EHBP1: variants seen among roughly 807,000 people sequenced by gnomAD.
The protein encoded by EHBP1 is EH domain-binding protein 1.
Under a neutral mutation model 144.0 loss-of-function variants are expected in EHBP1, and 55 were observed. That is an observed-to-expected ratio of 0.38 (90% confidence interval 0.31 to 0.48). The LOEUF (loss-of-function observed/expected upper bound fraction) is 0.48. Among genes scored for constraint, EHBP1 ranks in the 20% least tolerant of loss-of-function variants. EHBP1 has a pLI of 0.98. For synonymous variants in EHBP1, 469 were observed against 472.7 expected (o/e 0.99, Z 0.10); for missense variants, 1,200 against 1,364.2 (o/e 0.88, Z 1.90).
At chr2:62,983,676 A>G (rs567308463) in intron 15 of EHBP1, among the ~76,000 whole-genome samples, 1 of 152,078 alleles carries the variant, frequency 6.6e-6, no homozygotes, top group South Asian at 2.1e-4. Flanking sequence ...GAGTAGCTGG[A>G]ATTACAGGCA....
intron 7 of EHBP1, among the ~76,000 whole-genome samples, chr2:62,851,219 T>A (rs1573709282): frequency 6.6e-6 from 1 of 152,316 alleles, no homozygotes; most frequent in East Asian, 1.9e-4. Flanking sequence ...TAGATTCCCA[T>A]AACTCTCAGA....
At chr2:63,044,908 A>G in intron 21 of EHBP1, 158 bp from the exon 22 acceptor site, 1 of 595,262 alleles carries the variant, frequency 1.7e-6, no homozygotes, top group Non-Finnish European at 3.0e-6. Context: ...GGAAGCCTTC[A>G]CCACAACAGC....
At chr2:62,698,202 G>C (rs961321227) in intron 1 of EHBP1, among the ~76,000 whole-genome samples, 1 of 152,206 alleles carries the variant, frequency 6.6e-6, no homozygotes, top group African/African-American at 2.4e-5. Context: ...AATTGTTCAA[G>C]AAAAGAGTGA....
intron 9 of EHBP1, among the ~76,000 whole-genome samples, chr2:62,869,027 T>C (rs1170451562): frequency 6.6e-6 from 1 of 151,946 alleles, no homozygotes; most frequent in Non-Finnish European, 1.5e-5. Flanking sequence ...CAAATGAAAA[T>C]ATTGTATAGG....
intron 1 of EHBP1, among the ~76,000 whole-genome samples, chr2:62,680,998 G>A (rs1007699635): frequency 1.3e-5 from 2 of 151,986 alleles, no homozygotes; most frequent in African/African-American, 4.8e-5. Context: ...AAACAAGATA[G>A]GAATGAAAAT....
chr2:62,921,749 A>G (rs1273923256), intron 10 of EHBP1, among the ~76,000 whole-genome samples: 1 of 152,222 alleles, frequency 6.6e-6, no homozygotes, highest in Non-Finnish European at 1.5e-5. Flanking sequence ...TTTTGTCCCC[A>G]TGTAAACTTA....
chr2:62,879,072 TATCA>T (rs751161053), intron 10 of EHBP1, among the ~76,000 whole-genome samples: 95 of 150,766 alleles, frequency 6.3e-4, no homozygotes, highest in Non-Finnish European at 1.1e-3. Flanking sequence ...CAGAAAAAGC[TATCA>T]ATAAAATTTA....
chr2:62,847,120 A>G (rs973613693), intron 7 of EHBP1, among the ~76,000 whole-genome samples: 2 of 152,230 alleles, frequency 1.3e-5, no homozygotes, highest in African/African-American at 4.8e-5. Context: ...TTGGCATAGG[A>G]TAAATAGATC....
chr2:62,782,550 GGGGAGGCC>G (rs2042511875), intron 5 of EHBP1, among the ~76,000 whole-genome samples: 1 of 152,120 alleles, frequency 6.6e-6, no homozygotes. Context: ...CCGTATGGCT[GGGGAGGCC>G]TCAGGAAACT....
chr2:62,839,233 A>G (rs932737590), intron 7 of EHBP1, among the ~76,000 whole-genome samples: 2 of 152,172 alleles, frequency 1.3e-5, no homozygotes, highest in Non-Finnish European at 2.9e-5. Context: ...AGAACCAAAG[A>G]CAAAAACCCC....
chr2:62,712,117 A>G (rs1241854383), intron 2 of EHBP1, among the ~76,000 whole-genome samples: 1 of 152,200 alleles, frequency 6.6e-6, no homozygotes, highest in African/African-American at 2.4e-5. Context: ...GAGAGGAGGT[A>G]ACCTTAGGAC....
chr2:62,938,806 GAAA>G (rs139219285), intron 10 of EHBP1, among the ~76,000 whole-genome samples: 1 of 146,508 alleles, frequency 6.8e-6, no homozygotes, highest in South Asian at 2.2e-4. Flanking sequence ...GTTTGTGGGG[GAAA>G]AAAAAAAGAA....
At chr2:62,896,692 A>C (rs2052966107) in intron 10 of EHBP1, among the ~76,000 whole-genome samples, 1 of 151,714 alleles carries the variant, frequency 6.6e-6, no homozygotes, top group African/African-American at 2.4e-5. Flanking sequence ...AAAAAAAAAA[A>C]AAACAAAAAA....
intron 7 of EHBP1, among the ~76,000 whole-genome samples, chr2:62,843,225 A>G (rs1338923042): frequency 3.3e-5 from 5 of 152,206 alleles, no homozygotes; most frequent in Non-Finnish European, 5.9e-5. Context: ...GAAACATATT[A>G]GGAATTGAAT....
intron 20 of EHBP1, among the ~76,000 whole-genome samples, chr2:63,038,031 GATGTT>G (rs1210991404): frequency 3.9e-5 from 6 of 152,094 alleles, no homozygotes; most frequent in Non-Finnish European, 8.8e-5. Context: ...AGTCTCAGGT[GATGTT>G]ACTCTAAATT....
At chr2:62,962,532 T>G (rs891870726) in intron 14 of EHBP1, among the ~76,000 whole-genome samples, 1 of 152,190 alleles carries the variant, frequency 6.6e-6, no homozygotes, top group Admixed American at 6.5e-5. Context: ...CTAAGCAAAA[T>G]AAAGGATGAT....
At chr2:62,850,845 CA>C (rs2048645305) in intron 7 of EHBP1, among the ~76,000 whole-genome samples, 1 of 151,888 alleles carries the variant, frequency 6.6e-6, no homozygotes, top group Non-Finnish European at 1.5e-5. Flanking sequence ...TTGGAAGAAA[CA>C]GACAAGTACT....
At position 62,707,075 on chromosome 2, in the gene EHBP1, G is replaced by A. The variant is rs2034663984; in HGVS notation, c.-117G>A. 2.8e-6 allele frequency: 2 copies of A among 726,950 alleles called. No individual in the cohort carries two copies. The highest frequency in any genetic ancestry group is 4.8e-6 in the Non-Finnish European group (2 of 413,156). The allele number at this position is 726,950 out of a possible 1,614,324, so 45.0% of individuals were successfully genotyped here. A position where few individuals can be genotyped will look rare whatever the true frequency, so the allele number is the denominator to read the frequency against. ...TTATGGACCCCAAGCATCATTTCGA[G>A]TTGTAGTTGAGTTTTTAAAAGACAT... On this transcript the variant is annotated 5_prime_UTR_variant, in exon 2 of 23. Transcript: ENST00000431489.
rs1296327768 is a variant in EHBP1, at chr2:62,987,980, C to G, written c.2609-2736C>G. 3.7e-6 allele frequency: 6 copies of G among 1,607,406 alleles called. No homozygotes were observed. In the East Asian group the frequency reaches 1.4e-4, roughly 36 times the overall value. ...ATACTAACGAGGAGATCCCTGAAGG[C>G]TTTGTTGTAGGAGGTGGAGATGAAC... On this transcript the variant is annotated intron_variant, in intron 15 of 22. Coordinates refer to ENST00000431489, the MANE Select transcript of EHBP1 (RefSeq NM_001142616.3).
Sources: allele counts gnomAD v4.1 joint callset (sites outside exome capture counted in the v4.1 genomes callset), GRCh38; gene constraint gnomAD v4.1.1; transcripts MANE v1.5; gene names NCBI Gene and HGNC (gene_info 2026-07-23, HGNC 2026-07-21).